Variants in WDPCP observed in about 807,000 individuals in gnomAD.
WDPCP encodes the protein WD repeat-containing and planar cell polarity effector protein fritz homolog.
A neutral mutation model predicts 93.1 loss-of-function variants in WDPCP; 71 were observed. That is an observed-to-expected ratio of 0.76 (90% confidence interval 0.63 to 0.93). The LOEUF (loss-of-function observed/expected upper bound fraction) is 0.93. WDPCP is among the 40% of genes least tolerant of loss of function. WDPCP has a pLI of 0.00. For missense variants in WDPCP, 844 were observed against 887.4 expected (o/e 0.95, Z 0.62); for synonymous variants, 315 against 315.0 (o/e 1.00, Z 0.00).
chr2:63,133,669 T>A (rs2153400727), intron 17 of WDPCP, among the ~76,000 whole-genome samples: 1 of 152,320 alleles, frequency 6.6e-6, no homozygotes, highest in African/African-American at 2.4e-5. Flanking sequence ...CTTTGCCTTT[T>A]GCCATGATTA....
the WDPCP span, among the ~76,000 whole-genome samples, chr2:63,835,912 T>TGGC: frequency 2.0e-5 from 3 of 152,222 alleles, no homozygotes; most frequent in Non-Finnish European, 2.9e-5. Flanking sequence ...TGGAGTGCAG[T>TGGC]GGCGTGACCT....
At chr2:63,765,755 G>T (rs944368645) in intron 2 of WDPCP, among the ~76,000 whole-genome samples, 1 of 152,174 alleles carries the variant, frequency 6.6e-6, no homozygotes, top group African/African-American at 2.4e-5. Context: ...CCTACTGCCT[G>T]GTTAAAAATT....
intron 2 of WDPCP, among the ~76,000 whole-genome samples, chr2:63,490,013 T>C (rs1408283016): frequency 3.3e-5 from 5 of 151,872 alleles, no homozygotes; most frequent in African/African-American, 4.8e-5. Flanking sequence ...CTGAATCTAA[T>C]TGTGAGGAAA....
chr2:63,616,942 A>G (rs1437861091), intron 3 of WDPCP, among the ~76,000 whole-genome samples: 1 of 152,204 alleles, frequency 6.6e-6, no homozygotes, highest in Non-Finnish European at 1.5e-5. Flanking sequence ...GCCTTTCTCT[A>G]ACATCCCCAA....
At chr2:63,834,153 C>T in the WDPCP span, among the ~76,000 whole-genome samples, 1 of 152,172 alleles carries the variant, frequency 6.6e-6, no homozygotes. Flanking sequence ...TATCTGGTCT[C>T]CATTCCATGC....
At chr2:63,657,819 T>C (rs1710186227) in intron 2 of WDPCP, among the ~76,000 whole-genome samples, 1 of 152,188 alleles carries the variant, frequency 6.6e-6, no homozygotes, top group Non-Finnish European at 1.5e-5. Flanking sequence ...ATCCTTACAG[T>C]AGAGTCCCTC....
At chr2:63,138,537 C>A (rs367817789) in intron 17 of WDPCP, among the ~76,000 whole-genome samples, 17 of 151,444 alleles carry the variant, frequency 1.1e-4, no homozygotes, top group Admixed American at 7.9e-4. Context: ...CTGCAGGCTC[C>A]GCTCCCCGGG....
At chr2:63,710,721 T>C (rs1269590767) in intron 2 of WDPCP, among the ~76,000 whole-genome samples, 1 of 152,238 alleles carries the variant, frequency 6.6e-6, no homozygotes, top group African/African-American at 2.4e-5. Flanking sequence ...AAGGAGCACC[T>C]GTTGGGCTGA....
chr2:63,390,429 A>G (rs1693136425), intron 10 of WDPCP, among the ~76,000 whole-genome samples: 1 of 152,240 alleles, frequency 6.6e-6, no homozygotes, highest in Admixed American at 6.5e-5. Flanking sequence ...ACAGCACTAA[A>G]TGCCCTCAAG....
intron 14 of WDPCP, among the ~76,000 whole-genome samples, chr2:63,207,754 A>G (rs964605577): frequency 1.3e-5 from 2 of 152,138 alleles, no homozygotes; most frequent in Non-Finnish European, 2.9e-5. Flanking sequence ...CTCTTTCATT[A>G]CTACTATAAA....
chr2:63,265,167 G>T (rs1002197831), intron 13 of WDPCP, among the ~76,000 whole-genome samples: 1 of 151,812 alleles, frequency 6.6e-6, no homozygotes, highest in African/African-American at 2.4e-5. Flanking sequence ...GCCCAAACTT[G>T]GAAGGAAATA....
intron 2 of WDPCP, among the ~76,000 whole-genome samples, chr2:63,747,253 GT>G (rs1283513462): frequency 6.6e-6 from 1 of 151,946 alleles, no homozygotes; most frequent in Non-Finnish European, 1.5e-5. Context: ...TTTTTATGTT[GT>G]CCTTTGATGA....
chr2:63,208,594 C>T (rs886365759), intron 14 of WDPCP, among the ~76,000 whole-genome samples: 1 of 152,146 alleles, frequency 6.6e-6, no homozygotes, highest in African/African-American at 2.4e-5. Flanking sequence ...CCCAGCACCT[C>T]CATACTTTCT....
chr2:63,457,445 C>T (rs554507084), intron 6 of WDPCP, among the ~76,000 whole-genome samples: 1 of 152,302 alleles, frequency 6.6e-6, no homozygotes, highest in East Asian at 1.9e-4. Context: ...TTCACCCTAA[C>T]TCATTCTATG....
intron 2 of WDPCP, among the ~76,000 whole-genome samples, chr2:63,652,059 C>T (rs1395479791): frequency 1.3e-5 from 2 of 152,202 alleles, no homozygotes; most frequent in African/African-American, 4.8e-5. Context: ...GAGTTAAATG[C>T]TGCAATTCTG....
At chr2:63,731,267 C>CAAAAAAAAAAAAAAAAAAAAAACAAAAAA (rs532671655) in intron 2 of WDPCP, among the ~76,000 whole-genome samples, 1 of 59,858 alleles carries the variant, frequency 1.7e-5, no homozygotes. Context: ...GAATCCGTCT[C>CAAAAAAAAAAAAAAAAAAAAAACAAAAAA]AAAAAAAAAA....
chr2:63,179,966 T>G (rs1674110915), intron 14 of WDPCP, among the ~76,000 whole-genome samples: 2 of 152,284 alleles, frequency 1.3e-5, no homozygotes, highest in Admixed American at 1.3e-4. Context: ...AATAATGTGT[T>G]TTTTTTGCAG....
intron 2 of WDPCP, among the ~76,000 whole-genome samples, chr2:63,653,621 T>C (rs1343212420): frequency 6.6e-6 from 1 of 152,086 alleles, no homozygotes. Context: ...CCAATAAAAA[T>C]TACTAGAGGC....
chr2:63,317,362 C>T (rs1411941042), intron 12 of WDPCP, among the ~76,000 whole-genome samples: 2 of 149,916 alleles, frequency 1.3e-5, no homozygotes, highest in Middle Eastern at 3.5e-3. Flanking sequence ...GAGCCAAGAT[C>T]GCACCATTGC....
Sources: gnomAD v4.1 joint callset for allele counts (sites outside exome capture counted in the v4.1 genomes callset) on GRCh38, gnomAD v4.1.1 for gene constraint, MANE v1.5 for transcripts, NCBI Gene and HGNC (gene_info 2026-07-23, HGNC 2026-07-21) for gene names.